RBPMS: variants seen among roughly 807,000 people sequenced by gnomAD.
The protein encoded by RBPMS is RNA-binding protein with multiple splicing.
In RBPMS, 7 loss-of-function variants were observed where a neutral mutation model predicts 26.8. The ratio of observed to expected loss-of-function variants is 0.26; its 90% CI spans 0.15 to 0.49. The LOEUF (loss-of-function observed/expected upper bound fraction) is 0.49, where lower values mean the gene tolerates loss of function less well. Ranked by LOEUF, RBPMS falls within the 20% of genes least tolerant of loss-of-function variation. RBPMS has a pLI of 0.98. For synonymous variants in RBPMS, 96 were observed against 93.3 expected (o/e 1.03, Z -0.17); for missense variants, 186 against 250.0 (o/e 0.74, Z 1.73).
chr8:30,565,919 A>G (rs1166332071), intron 7 of RBPMS: 1 of 152,286 alleles, frequency 6.6e-6, no homozygotes, highest in African/African-American at 2.4e-5. Flanking sequence ...GTGGGTGTAG[A>G]GTCCTGCTTG....
intron 5 of RBPMS, among the ~76,000 whole-genome samples, chr8:30,523,899 A>T (rs948682579): frequency 1.4e-4 from 21 of 152,110 alleles, no homozygotes; most frequent in African/African-American, 4.8e-4. Context: ...GTTATGGAAA[A>T]TTTCAAACAT....
chr8:30,557,876 CTT>C (rs1045097836), intron 6 of RBPMS, among the ~76,000 whole-genome samples: 3 of 152,162 alleles, frequency 2.0e-5, no homozygotes, highest in Non-Finnish European at 4.4e-5. Context: ...TGTTTTGTTT[CTT>C]GTTTGTTTTG....
intron 6 of RBPMS, 51 bp from the exon 7 acceptor site, chr8:30,558,836 G>T: frequency 6.8e-7 from 1 of 1,477,186 alleles, no homozygotes. Flanking sequence ...CCGTGAGAAT[G>T]GGGATATGCT....
intron 5 of RBPMS, among the ~76,000 whole-genome samples, chr8:30,525,948 A>G (rs929694052): frequency 3.3e-5 from 5 of 152,230 alleles, no homozygotes; most frequent in African/African-American, 4.8e-5. Context: ...TGAGAAATGT[A>G]TTGATTTATT....
In RBPMS at chr8:30,384,951, C is replaced by A; in HGVS notation, c.-142C>A. On this transcript the variant is annotated 5_prime_UTR_variant, in exon 1 of 9. Coordinates refer to ENST00000397323, the MANE Select transcript of RBPMS (RefSeq NM_001008710.3). This position sits in a 1 kb window ranked among gnomAD's most constrained non-coding sequence, Gnocchi z 5.6. ...CCAACCCGAGCCCGACAGCCACTGC[C>A]CCGGCTCCAGCTCCAGCCCCACAGC... 2.0e-6 allele frequency: 1 copy of A among 493,138 alleles called. No homozygotes were observed. 30.5% of individuals were successfully genotyped at this position (493,138 alleles called of 1,614,324 possible). A position where few individuals can be genotyped will look rare whatever the true frequency, so the allele number is the denominator to read the frequency against.
chr8:30,425,418 G>A (rs1811241429), intron 1 of RBPMS, among the ~76,000 whole-genome samples: 1 of 150,050 alleles, frequency 6.7e-6, no homozygotes, highest in South Asian at 2.1e-4. Context: ...TCTTTTTTTT[G>A]AAATGGAGTT....
intron 1 of RBPMS, among the ~76,000 whole-genome samples, chr8:30,448,186 C>A (rs1390801008): frequency 6.6e-6 from 1 of 152,180 alleles, no homozygotes; most frequent in Non-Finnish European, 1.5e-5. Flanking sequence ...TTGCCTAATT[C>A]TTTTAGAATA....
intron 1 of RBPMS, chr8:30,445,273 A>G (rs1448800077): frequency 6.6e-6 from 1 of 152,226 alleles, no homozygotes; most frequent in Non-Finnish European, 1.5e-5. Context: ...AATGCATGAA[A>G]GAATAATGTG....
At chr8:30,563,808 G>C (rs1266640569) in intron 7 of RBPMS, among the ~76,000 whole-genome samples, 1 of 152,158 alleles carries the variant, frequency 6.6e-6, no homozygotes, top group African/African-American at 2.4e-5. Context: ...GACAGCTGCG[G>C]TGGCTCCTGC....
intron 4 of RBPMS, among the ~76,000 whole-genome samples, chr8:30,483,405 C>T (rs1241440893): frequency 6.6e-6 from 1 of 152,094 alleles, no homozygotes; most frequent in Admixed American, 6.5e-5. Context: ...ACCAAAATTG[C>T]TTAGGCTAGT....
chr8:30,566,515 C>T (rs1342284806), intron 8 of RBPMS, among the ~76,000 whole-genome samples, 155 bp downstream of exon 8: 4 of 152,168 alleles, frequency 2.6e-5, no homozygotes, highest in Admixed American at 6.5e-5. Context: ...TGCTCCAACA[C>T]GGCCTGCCAG....
chr8:30,413,868 C>G (rs956557878), intron 1 of RBPMS, among the ~76,000 whole-genome samples: 5 of 152,174 alleles, frequency 3.3e-5, no homozygotes, highest in African/African-American at 1.2e-4. Context: ...GCCTCAGCCT[C>G]TCAAAGTGTT....
rs374810521 is a variant in RBPMS, at chr8:30,555,162, T to G, written c.529-3725T>G. On this transcript the variant is annotated intron_variant, in intron 6 of 8. Coordinates refer to ENST00000397323, the MANE Select transcript of RBPMS (RefSeq NM_001008710.3). ...CATTTGATTTTTACTCTGAGTTGCT[T>G]CTTTTTCTGGGTATCTTGGTGCTCT... Among the ~76,000 whole-genome samples the G allele has an allele frequency of 1.3e-4, 20 of 152,302 alleles. No individual in the cohort carries two copies. The East Asian group carries it at 1.4e-3, about 10-fold the overall frequency.
At chr8:30,555,512 T>C (rs891795700) in intron 6 of RBPMS, among the ~76,000 whole-genome samples, 2 of 152,160 alleles carry the variant, frequency 1.3e-5, no homozygotes, top group Non-Finnish European at 2.9e-5. Context: ...GAGAAGCCCC[T>C]GGAATTGTGT....
chr8:30,408,902 T>TC (rs1808960334), intron 1 of RBPMS, among the ~76,000 whole-genome samples: 2 of 152,248 alleles, frequency 1.3e-5, no homozygotes, highest in Admixed American at 6.5e-5. Context: ...CTGCTTTTTT[T>TC]CCTCTATGGA....
At position 30,506,495 on chromosome 8, in the gene RBPMS, A is replaced by T. The variant is rs553031772; in HGVS notation, c.397+2059A>T. ...CAGGTCAACCTTATTATCCATTGCC[A>T]TTCCCTCTGGGAACTGGGAACTTGA... On this transcript the variant is annotated intron_variant, in intron 5 of 8. Transcript: ENST00000397323. Among the ~76,000 whole-genome samples the T allele has an allele frequency of 3.3e-5, 5 of 152,242 alleles. No homozygotes were observed. In the South Asian group the frequency reaches 1.0e-3, roughly 32 times the overall value.
chr8:30,540,244 G>C (rs1333288150), intron 5 of RBPMS, among the ~76,000 whole-genome samples: 5 of 152,160 alleles, frequency 3.3e-5, no homozygotes, highest in Middle Eastern at 3.2e-3. Flanking sequence ...GTGGGCGAGA[G>C]GCAGGCATAG....
intron 5 of RBPMS, among the ~76,000 whole-genome samples, chr8:30,544,068 C>G (rs1040254558): frequency 6.6e-6 from 1 of 152,210 alleles, no homozygotes; most frequent in Non-Finnish European, 1.5e-5. Context: ...TCTGTTGAGG[C>G]CCTGCCGTTA....
In RBPMS at chr8:30,423,425, G is replaced by A. The variant is rs147424582; in HGVS notation, c.66+38267G>A. On this transcript the variant is annotated intron_variant, in intron 1 of 8. Coordinates refer to ENST00000397323, the MANE Select transcript of RBPMS (RefSeq NM_001008710.3). ...TTGCCTAGCTACCTCGGAGGGGACA[G>A]TGAGGGCTGGGCTGCAAAGGGGAAG... 3.9e-3 allele frequency among the ~76,000 whole-genome samples: 595 copies of A among 152,312 alleles called. 5 individuals are homozygous for A. Among genetic ancestry groups the A allele is most frequent in the African/African-American group, 0.013 (549 of 41,568 alleles).
Sources: allele counts gnomAD v4.1 joint callset (sites outside exome capture counted in the v4.1 genomes callset), GRCh38; gene constraint gnomAD v4.1.1; non-coding constraint Gnocchi (gnomAD v3.1); transcripts MANE v1.5; gene names NCBI Gene and HGNC (gene_info 2026-07-23, HGNC 2026-07-21).